The following VRK1 variants were observed in gnomAD, a reference collection of about 807,000 sequenced individuals.
VRK1 encodes serine/threonine-protein kinase VRK1.
A neutral mutation model predicts 57.1 loss-of-function variants in VRK1; 33 were observed. That is an observed-to-expected ratio of 0.58 (90% CI 0.44 to 0.77). The LOEUF is 0.77. Among genes scored for constraint, VRK1 ranks in the 30% least tolerant of loss-of-function variants. The pLI is 0.00. For missense variants in VRK1, 413 were observed against 477.3 expected, an observed-to-expected ratio of 0.87 and a Z score of 1.25; for synonymous variants, 137 against 147.8, an observed-to-expected ratio of 0.93 and a Z score of 0.53.
chr14:96,854,104 A>G (rs1219911288), intron 7 of VRK1, among the ~76,000 whole-genome samples: 4 of 152,130 alleles, frequency 2.6e-5, no homozygotes, highest in Admixed American at 1.3e-4. Flanking sequence ...GAAAGTTACT[A>G]TACTATTAAG....
chr14:96,856,681 G>A, intron 10 of VRK1, 95 bp downstream of exon 10: 1 of 1,137,258 alleles, frequency 8.8e-7, no homozygotes, highest in Admixed American at 1.9e-5. Context: ...TAAGATGTTA[G>A]GTGGTGGCCA....
chr14:96,863,671 T>C (rs1431234549), intron 11 of VRK1, among the ~76,000 whole-genome samples: 1 of 152,192 alleles, frequency 6.6e-6, no homozygotes, highest in Non-Finnish European at 1.5e-5. Flanking sequence ...CTATGAATGA[T>C]TATTCACATA....
chr14:96,849,454 A>G (rs559978766), intron 5 of VRK1, among the ~76,000 whole-genome samples: 4 of 152,048 alleles, frequency 2.6e-5, no homozygotes, highest in Non-Finnish European at 5.9e-5. Context: ...GTCTTAAAAA[A>G]AAAAAACCAA....
intron 11 of VRK1, among the ~76,000 whole-genome samples, chr14:96,861,285 G>A (rs1320557015): frequency 2.0e-5 from 3 of 152,114 alleles, no homozygotes; most frequent in African/African-American, 7.2e-5. Flanking sequence ...TATGGTAGAA[G>A]TATTATACAA....
rs79174656 is a variant in VRK1 at position 96,870,403 on chromosome 14, C to T, written c.1069-5627C>T. Among the ~76,000 whole-genome samples the T allele has an allele frequency of 6.7e-3, 1,024 of 152,246 alleles. 5 individuals are homozygous for T. Among genetic ancestry groups the T allele is most frequent in the Non-Finnish European group, 0.01 (698 of 68,020 alleles). On this transcript the variant is annotated intron_variant, in intron 11 of 12. Coordinates refer to ENST00000216639, the MANE Select transcript of VRK1 (RefSeq NM_003384.3). ...TTGTACTTGAACCATCTTAACTTTG[C>T]CAAAAGTTTTCGACCTTAATGGTGC... is the stretch of plus-strand genomic sequence containing the variant.
At chr14:96,835,448 C>T (rs1887175776) in intron 2 of VRK1, among the ~76,000 whole-genome samples, 2 of 151,970 alleles carry the variant, frequency 1.3e-5, no homozygotes, top group African/African-American at 4.8e-5. Context: ...ACTTTTTATT[C>T]TATATATTCT....
intron 9 of VRK1, 88 bp from the exon 10 acceptor site, chr14:96,856,440 C>A: frequency 7.3e-7 from 1 of 1,371,818 alleles, no homozygotes; most frequent in Non-Finnish European, 1.0e-6. Flanking sequence ...TAGGATGTAG[C>A]ACAATATAGC....
Position 96,856,533 on chromosome 14 carries a change from G to A in VRK1, c.836G>A (p.Arg279Lys). The A allele has an allele frequency of 6.2e-7, 1 of 1,613,034 alleles. No individual in the cohort carries two copies. The highest frequency in any genetic ancestry group is 8.5e-7 in the Non-Finnish European group (1 of 1,179,148). Residue 279 changes from arginine (R) to lysine (K), a missense_variant, in exon 10 of 13, where the codon AGA (arginine) becomes AAA (lysine). Arg to Lys is a conservative substitution (Grantham distance 26). Coordinates refer to ENST00000216639, the MANE Select transcript of VRK1 (RefSeq NM_003384.3). ...KYVRDSKIRY[R>K]ENIASLMDKC... ...CATTCTTTAATTTTTAACAGATACA[G>A]AGAAAATATTGCAAGTTTGATGGAC...
At chr14:96,809,570 C>CTTTTT (rs566987608) in intron 1 of VRK1, among the ~76,000 whole-genome samples, 18 of 128,494 alleles carry the variant, frequency 1.4e-4, no homozygotes, top group East Asian at 2.3e-4. Context: ...TGCTTGCTTT[C>CTTTTT]TTTTTTTTTT....
chr14:96,832,074 T>G (rs1887026982), intron 1 of VRK1, among the ~76,000 whole-genome samples: 1 of 152,166 alleles, frequency 6.6e-6, no homozygotes, highest in Non-Finnish European at 1.5e-5. Flanking sequence ...TTAGAGAAGA[T>G]TTAGACAGCG....
intron 1 of VRK1, among the ~76,000 whole-genome samples, chr14:96,827,567 G>A (rs1265886391): frequency 1.3e-5 from 2 of 152,110 alleles, no homozygotes; most frequent in Non-Finnish European, 2.9e-5. Flanking sequence ...CTACCCTACC[G>A]CTCAGTGGGT....
chr14:96,860,680 A>C lies in VRK1; in HGVS notation c.1013A>C (p.Lys338Thr), dbSNP rs779911846. The change falls in exon 11 of 13, where the codon AAA (lysine) becomes ACA (threonine). Residue 338 changes from lysine to threonine, a missense_variant. Physicochemically the swap from Lys to Thr is moderately conservative, Grantham distance 78 (BLOSUM62 -1). This residue lies in a region of VRK1 where 146 missense variants were observed against 138.2 expected (regional missense o/e 1.06). Coordinates refer to ENST00000216639, the MANE Select transcript of VRK1 (RefSeq NM_003384.3). ...GCTATAGGAAGTAAGGATGATGGCA[A>C]ATTGGACCTCAGTGTTGTGGAGAAT... ...LKAIGSKDDGKLDLSVVENGG... is the reference protein window; with the variant it reads ...LKAIGSKDDGTLDLSVVENGG... 17 of 1,613,302 alleles carry C rather than the reference A, an allele frequency of 1.1e-5. No individual in the cohort carries two copies. Among genetic ancestry groups the C allele is most frequent in the African/African-American group, 4.0e-5 (3 of 74,898 alleles).
At chr14:96,817,089 A>G (rs1374886562) in intron 1 of VRK1, among the ~76,000 whole-genome samples, 1 of 152,208 alleles carries the variant, frequency 6.6e-6, no homozygotes, top group Non-Finnish European at 1.5e-5. Flanking sequence ...CAAATTGGCC[A>G]TGTGTTGTTG....
intron 12 of VRK1, chr14:96,877,424 C>T (rs1889085208): frequency 2.6e-6 from 3 of 1,135,202 alleles, no homozygotes; most frequent in East Asian, 5.8e-5. Flanking sequence ...AGTAGTCCCT[C>T]TCTTTTTCCC....
In VRK1 at chr14:96,881,264, C is replaced by G. The variant is rs1053997597; in HGVS notation, c.*56C>G. Reference sequence around the variant, plus strand: ...TTTGTTTTCTTTTGACTTTTTTCTCCTTTTCTATTTGAACTGTTTTATTTT... The same window carrying G: ...TTTGTTTTCTTTTGACTTTTTTCTCGTTTTCTATTTGAACTGTTTTATTTT... On this transcript the variant is annotated 3_prime_UTR_variant, in exon 13 of 13. Transcript: ENST00000216639. 4 of 1,495,110 alleles carry G rather than the reference C, an allele frequency of 2.7e-6. No individual in the cohort carries two copies. The highest frequency in any genetic ancestry group is 3.7e-6 in the Non-Finnish European group (4 of 1,092,788). 92.6% of individuals were successfully genotyped at this position (1,495,110 alleles called of 1,614,324 possible).
At chr14:96,857,897 A>C (rs1419122324) in intron 10 of VRK1, among the ~76,000 whole-genome samples, 1 of 152,112 alleles carries the variant, frequency 6.6e-6, no homozygotes, top group Admixed American at 6.5e-5. Flanking sequence ...AATTTCCAAC[A>C]CCAAATATTT....
chr14:96,881,263 C>G lies in VRK1; in HGVS notation c.*55C>G, dbSNP rs531612727. On this transcript the variant is annotated 3_prime_UTR_variant, in exon 13 of 13. Transcript: ENST00000216639. ...CTTTGTTTTCTTTTGACTTTTTTCT[C>G]CTTTTCTATTTGAACTGTTTTATTT... 3.5e-5 allele frequency: 53 copies of G among 1,499,420 alleles called. 1 individual carries two copies. The African/African-American group carries it at 6.2e-4, about 18-fold the overall frequency. The allele number at this position is 1,499,420 out of a possible 1,614,324, so 92.9% of individuals were successfully genotyped here.
At chr14:96,839,127 C>G (rs1488818914) in intron 3 of VRK1, among the ~76,000 whole-genome samples, 1 of 136,736 alleles carries the variant, frequency 7.3e-6, no homozygotes, top group African/African-American at 2.7e-5. Flanking sequence ...TATTCCTGTT[C>G]CAGAAGGTTA....
At chr14:96,877,747 C>T (rs776903614) in intron 12 of VRK1, 4 of 900,206 alleles carry the variant, frequency 4.4e-6, no homozygotes, top group Non-Finnish European at 5.3e-6. Flanking sequence ...CAGGAAGACT[C>T]ATCCCTTTCT....
Sources: allele counts gnomAD v4.1 joint callset (sites outside exome capture counted in the v4.1 genomes callset), GRCh38; gene constraint gnomAD v4.1.1; regional missense constraint gnomAD v4.1.1; transcripts MANE v1.5; gene names NCBI Gene and HGNC (gene_info 2026-07-23, HGNC 2026-07-21).